The following CLNS1A variants were observed in gnomAD, a reference collection of about 807,000 sequenced individuals.
CLNS1A encodes the protein chloride nucleotide-sensitive channel 1A.
A neutral mutation model predicts 29.4 loss-of-function variants in CLNS1A; 16 were observed. The ratio of observed to expected loss-of-function variants is 0.54; its 90% confidence interval spans 0.37 to 0.83. CLNS1A has a LOEUF of 0.83. Ranked by LOEUF, CLNS1A falls within the 40% of genes least tolerant of loss-of-function variation. The pLI is 0.00. For synonymous variants in CLNS1A, 96 were observed against 104.8 expected (o/e 0.92, Z 0.51); for missense variants, 235 against 287.4 (o/e 0.82, Z 1.32).
chr11:77,626,419 T>C (rs982767701), intron 2 of CLNS1A, among the ~76,000 whole-genome samples: 1 of 152,070 alleles, frequency 6.6e-6, no homozygotes, highest in Admixed American at 6.6e-5. Context: ...GGTGGGCGGA[T>C]CACGAGGTCA....
intron 1 of CLNS1A, among the ~76,000 whole-genome samples, chr11:77,631,389 C>T (rs1164292068): frequency 3.4e-5 from 5 of 148,272 alleles, no homozygotes; most frequent in South Asian, 2.1e-4. Flanking sequence ...TGGCGGATCT[C>T]GGCTCGCTGC....
intron 2 of CLNS1A, among the ~76,000 whole-genome samples, chr11:77,628,066 T>C (rs763822090): frequency 5.9e-5 from 9 of 152,292 alleles, no homozygotes; most frequent in Non-Finnish European, 1.2e-4. Flanking sequence ...CCTTGTGATC[T>C]GCCCCCCTTG....
intron 1 of CLNS1A, among the ~76,000 whole-genome samples, chr11:77,631,025 T>C (rs568670057): frequency 9.1e-4 from 139 of 152,356 alleles, no homozygotes; most frequent in African/African-American, 3.0e-3. Context: ...TATCATTCTA[T>C]ATTCTATACA....
At chr11:77,637,243 T>TAAAAAAAAAAAAAAAAAAA (rs747109219) in intron 1 of CLNS1A, among the ~76,000 whole-genome samples, 13 of 43,130 alleles carry the variant, frequency 3.0e-4, no homozygotes, top group African/African-American at 8.5e-4. Flanking sequence ...ATAGGCGAGT[T>TAAAAAAAAAAAAAAAAAAA]AAAAAAAAAA....
chr11:77,618,597 C>T, intron 6 of CLNS1A: 1 of 152,196 alleles, frequency 6.6e-6, no homozygotes, highest in Non-Finnish European at 1.5e-5. Context: ...GGTCCAGTAT[C>T]ACAATTCATG....
At chr11:77,633,660 T>G (rs1231331335) in intron 1 of CLNS1A, among the ~76,000 whole-genome samples, 2 of 152,180 alleles carry the variant, frequency 1.3e-5, no homozygotes, top group African/African-American at 2.4e-5. Context: ...ACTTAATTAT[T>G]TGGTTTAAGA....
intron 1 of CLNS1A, among the ~76,000 whole-genome samples, chr11:77,632,468 TA>T (rs1959084356): frequency 6.6e-6 from 1 of 152,202 alleles, no homozygotes; most frequent in African/African-American, 2.4e-5. Flanking sequence ...AATACCTCTG[TA>T]ATTCCTTACT....
In CLNS1A at chr11:77,625,054, A is replaced by G. The variant is rs747798115; in HGVS notation, c.381T>C (p.Thr127=). The G allele has an allele frequency of 6.2e-7, 1 of 1,612,560 alleles. No individual in the cohort carries two copies. The highest frequency in any genetic ancestry group is 8.5e-7 in the Non-Finnish European group (1 of 1,179,078). Residue 127 remains threonine (T), a synonymous_variant, in exon 4 of 7, where the codon ACT becomes ACC. Transcript: ENST00000525428. The part of the protein sequence containing the change: ...SDKSALEAMF[T]AMCECQALHP... ...GCAAGGCCTGGCATTCGCACATTGC[A>G]GTGAACATTGCCTCCACTGAACAAG...
rs1171094845 is a variant in CLNS1A, at chr11:77,614,747, G to C, written c.*1971C>G. 1 of 152,174 alleles carries C rather than the reference G, an allele frequency of 6.6e-6. No homozygotes were observed. The highest frequency in any genetic ancestry group is 1.5e-5 in the Non-Finnish European group (1 of 68,024). 9.4% of individuals were successfully genotyped at this position (152,174 alleles called of 1,614,324 possible). On this transcript the variant is annotated 3_prime_UTR_variant, in exon 7 of 7. Transcript: ENST00000525428. The stretch of plus-strand genomic sequence containing the variant: ...ACATTTAGATGACTTACATTTTGGA[G>C]GGGAAATGTCTATGTACCTTTAAAG...
chr11:77,627,317 T>C (rs1168259990), intron 2 of CLNS1A, among the ~76,000 whole-genome samples: 7 of 151,004 alleles, frequency 4.6e-5, no homozygotes, highest in Non-Finnish European at 1.5e-5. Flanking sequence ...CGGGAGCCTG[T>C]AGTCCCAGCT....
At chr11:77,625,923 G>T (rs1959013782) in intron 2 of CLNS1A, 105 bp from the exon 3 acceptor site, 1 of 991,406 alleles carries the variant, frequency 1.0e-6, no homozygotes, top group East Asian at 2.6e-5. Flanking sequence ...AATTATGGTT[G>T]ACAAATTTAT....
At chr11:77,629,640 C>T (rs566333781) in intron 2 of CLNS1A, 123 bp downstream of exon 2, 185 of 815,826 alleles carry the variant, frequency 2.3e-4, no homozygotes, top group Admixed American at 5.4e-4. Flanking sequence ...GTGATCCGCC[C>T]GCCTCGGCCT....
At chr11:77,625,867 T>C (rs774573375) in intron 2 of CLNS1A, 49 bp from the exon 3 acceptor site, 21 of 1,358,848 alleles carry the variant, frequency 1.5e-5, no homozygotes, top group Middle Eastern at 1.8e-4. Context: ...TTTAAAAAAA[T>C]GAAGCATATT....
intron 5 of CLNS1A, among the ~76,000 whole-genome samples, chr11:77,621,237 A>C (rs1246371750): frequency 6.6e-6 from 1 of 151,234 alleles, no homozygotes; most frequent in African/African-American, 2.4e-5. Context: ...AGGTTGCAGT[A>C]AGCCGAGGTC....
Position 77,622,663 on chromosome 11 carries a change from C to A in CLNS1A, c.483G>T (p.Gln161His), listed in dbSNP as rs1565125299. 5.7e-6 allele frequency: 9 copies of A among 1,591,194 alleles called. No individual in the cohort carries two copies. Among genetic ancestry groups the A allele is most frequent in the Middle Eastern group, 1.7e-4 (1 of 5,964 alleles). Residue 161 changes from glutamine (Q) to histidine (H), a missense_variant, in exon 5 of 7, where the codon CAG becomes CAT. Transcript: ENST00000525428. ...AGGTGTAAAATGTAGGGATGTCCCC[C>A]TGTCCTTGTTCTAAACAAACAGAAA... ...EYDVEAHEQG[Q>H]GDIPTFYTYE...
At chr11:77,619,528 A>G (rs1380559393) in intron 6 of CLNS1A, 78 bp downstream of exon 6, 1 of 989,296 alleles carries the variant, frequency 1.0e-6, no homozygotes, top group East Asian at 2.5e-5. Context: ...TGTCTCAAGA[A>G]AGAATTTTAA....
rs1959011868 is a variant in CLNS1A at position 77,625,772 on chromosome 11, A to G, written c.309T>C (p.Asp103=). 6.2e-7 allele frequency: 1 copy of G among 1,609,402 alleles called. No homozygotes were observed. Among genetic ancestry groups the G allele is most frequent in the Admixed American group, 1.7e-5 (1 of 59,948 alleles). ...ATTCAGTAATAGGTTCAACATCATC[A>G]TCACTGTCTTCCTCTTCTTCATCAG... ...PVADEEEEDS[D]DDVEPITEFR... The change falls in exon 3 of 7, where the codon GAT becomes GAC. Residue 103 remains aspartate (D), a synonymous_variant. Coordinates refer to ENST00000525428, the MANE Select transcript of CLNS1A (RefSeq NM_001293.3).
At chr11:77,627,181 C>A (rs1343016689) in intron 2 of CLNS1A, among the ~76,000 whole-genome samples, 3 of 151,532 alleles carry the variant, frequency 2.0e-5, no homozygotes, top group Admixed American at 6.6e-5. Context: ...CGCCTGTAAT[C>A]CCAGCCCTTT....
chr11:77,631,352 C>T (rs1159832877), intron 1 of CLNS1A, among the ~76,000 whole-genome samples: 1 of 150,224 alleles, frequency 6.7e-6, no homozygotes, highest in Non-Finnish European at 1.5e-5. Context: ...GACAGAGTCT[C>T]GGTCTGTCGC....
Sources: allele counts gnomAD v4.1 joint callset (sites outside exome capture counted in the v4.1 genomes callset), GRCh38; gene constraint gnomAD v4.1.1; transcripts MANE v1.5; gene names NCBI Gene and HGNC (gene_info 2026-07-23, HGNC 2026-07-21).